ARHGAP44: variants seen among roughly 807,000 people sequenced by gnomAD.
ARHGAP44 encodes Rho GTPase activating protein 44, also known as rho GTPase-activating protein 44.
In ARHGAP44, 43 loss-of-function variants were observed where a neutral mutation model predicts 106.8. The ratio of observed to expected loss-of-function variants is 0.40; its 90% CI spans 0.32 to 0.52. The LOEUF is 0.52. Ranked by LOEUF, ARHGAP44 falls within the 20% of genes least tolerant of loss-of-function variation. The pLI is 0.48. For missense variants in ARHGAP44, 866 were observed against 1,050.5 expected, an observed-to-expected ratio of 0.82 and a Z score of 2.43; for synonymous variants, 439 against 410.3, an observed-to-expected ratio of 1.07 and a Z score of -0.85.
At chr17:12,961,137 C>G (rs2039251131) in intron 16 of ARHGAP44, among the ~76,000 whole-genome samples, 1 of 152,124 alleles carries the variant, frequency 6.6e-6, no homozygotes, top group Non-Finnish European at 1.5e-5. Flanking sequence ...TGGTTTGATT[C>G]CAGTGCCTCC....
intron 7 of ARHGAP44, among the ~76,000 whole-genome samples, chr17:12,936,494 C>A (rs1442562870): frequency 1.3e-5 from 2 of 152,180 alleles, no homozygotes; most frequent in African/African-American, 4.8e-5. Flanking sequence ...ATATGCATTT[C>A]AGTTTCCTTC....
chr17:12,899,498 A>C (rs1271902230), intron 3 of ARHGAP44, among the ~76,000 whole-genome samples: 1 of 152,188 alleles, frequency 6.6e-6, no homozygotes, highest in Non-Finnish European at 1.5e-5. Context: ...ATCACCTCAA[A>C]TACTGAAATG....
chr17:12,893,097 A>G (rs988139443), intron 1 of ARHGAP44, among the ~76,000 whole-genome samples: 2 of 151,870 alleles, frequency 1.3e-5, no homozygotes, highest in African/African-American at 4.8e-5. Context: ...GCTTTCTCTG[A>G]TGCTGCTCTA....
chr17:12,809,723 G>T (rs1273135531), intron 1 of ARHGAP44, among the ~76,000 whole-genome samples: 1 of 152,110 alleles, frequency 6.6e-6, no homozygotes, highest in Non-Finnish European at 1.5e-5. Context: ...ACTCAACCAG[G>T]AGACTAATTA....
intron 1 of ARHGAP44, among the ~76,000 whole-genome samples, chr17:12,882,805 A>T (rs1018927245): frequency 6.6e-6 from 1 of 151,980 alleles, no homozygotes; most frequent in African/African-American, 2.4e-5. Context: ...TAATGTGCTA[A>T]TTTTTTTAGG....
chr17:12,854,254 T>G (rs891338065), intron 1 of ARHGAP44, among the ~76,000 whole-genome samples: 3 of 152,214 alleles, frequency 2.0e-5, no homozygotes, highest in African/African-American at 7.2e-5. Context: ...CACTGCTAGC[T>G]ACTTATGAAC....
chr17:12,808,835 G>A (rs1023565793), intron 1 of ARHGAP44, among the ~76,000 whole-genome samples: 2 of 152,102 alleles, frequency 1.3e-5, no homozygotes, highest in African/African-American at 4.8e-5. Flanking sequence ...CTTTTCTCTT[G>A]CATCATGAGG....
chr17:12,802,950 TATATATATATA>T lies in ARHGAP44; in HGVS notation c.53+13060_53+13070del, dbSNP rs2034150577. Among the ~76,000 whole-genome samples the T allele has an allele frequency of 4.5e-3, 139 of 30,914 alleles. 22 individuals are homozygous for T. The highest frequency in any genetic ancestry group is 0.021 in the African/African-American group (129 of 6,244). The allele number at this position is 30,914 out of a possible 152,430, so 20.3% of individuals were successfully genotyped here. On this transcript the variant is annotated intron_variant, in intron 1 of 20. Transcript: ENST00000379672. ...ATTTATATATATATATATATATATA[TATATATATATA>T]TATATATATTTTTTTTTTTTTTTTT...
intron 1 of ARHGAP44, among the ~76,000 whole-genome samples, chr17:12,893,613 G>A (rs750090668): frequency 3.3e-5 from 5 of 152,174 alleles, no homozygotes; most frequent in Non-Finnish European, 7.3e-5. Context: ...ACTGATGAGG[G>A]GTACGGGCTT....
intron 2 of ARHGAP44, among the ~76,000 whole-genome samples, chr17:12,895,279 A>C (rs1018699641): frequency 1.3e-5 from 2 of 152,206 alleles, no homozygotes; most frequent in Non-Finnish European, 2.9e-5. Context: ...AGTACTTTGC[A>C]TGATGAATAC....
chr17:12,835,225 CAGTT>C (rs1189662577), intron 1 of ARHGAP44, among the ~76,000 whole-genome samples: 6 of 152,074 alleles, frequency 3.9e-5, no homozygotes, highest in Admixed American at 2.6e-4. Context: ...CAAATGGTGT[CAGTT>C]AGTGTGAATT....
chr17:12,820,700 G>A (rs1190964675), intron 1 of ARHGAP44, among the ~76,000 whole-genome samples: 2 of 152,132 alleles, frequency 1.3e-5, no homozygotes, highest in Non-Finnish European at 2.9e-5. Context: ...TGTGATTGAA[G>A]GTTTCTCAAG....
chr17:12,829,067 G>A lies in ARHGAP44; in HGVS notation c.53+39176G>A, dbSNP rs893397248. 5.3e-5 allele frequency among the ~76,000 whole-genome samples: 8 copies of A among 152,136 alleles called. No individual in the cohort carries two copies. The East Asian group carries it at 9.7e-4, about 18-fold the overall frequency. The stretch of plus-strand genomic sequence containing the variant: ...AGTTTAGTTGCATTAAACAAGTCAC[G>A]CAACTTTCATTTCTATCTTCTGGAA... On this transcript the variant is annotated intron_variant, in intron 1 of 20. Transcript: ENST00000379672.
At chr17:12,990,009 C>G (rs1567729532) in intron 20 of ARHGAP44, 23 bp from the exon 21 acceptor site, 2 of 1,593,270 alleles carry the variant, frequency 1.3e-6, no homozygotes, top group Admixed American at 1.7e-5. Context: ...CTTTCAACCA[C>G]CTCTCTCTCT....
rs926463209 is a variant in ARHGAP44, at chr17:12,789,705, A to G, written c.-134A>G. 3.6e-5 allele frequency: 26 copies of G among 720,256 alleles called. No homozygotes were observed. The highest frequency in any genetic ancestry group is 4.5e-4 in the Middle Eastern group (1 of 2,224). 44.6% of individuals were successfully genotyped at this position (720,256 alleles called of 1,614,324 possible). A position where few individuals can be genotyped will look rare whatever the true frequency, so the allele number is the denominator to read the frequency against. ...CGGGAGGGAGCTGCGCGCGGGCCAG[A>G]CGGCGCCCGGAGGCTCCGCAGTGCC... is the stretch of plus-strand genomic sequence containing the variant. On this transcript the variant is annotated 5_prime_UTR_variant, in exon 1 of 21. Coordinates refer to ENST00000379672, the MANE Select transcript of ARHGAP44 (RefSeq NM_014859.6).
At chr17:12,889,562 C>A (rs2036980243) in intron 1 of ARHGAP44, among the ~76,000 whole-genome samples, 1 of 152,176 alleles carries the variant, frequency 6.6e-6, no homozygotes, top group African/African-American at 2.4e-5. Flanking sequence ...GATCCGGTTT[C>A]CAACACAGGA....
At chr17:12,891,446 G>A (rs1353356995) in intron 1 of ARHGAP44, among the ~76,000 whole-genome samples, 1 of 152,144 alleles carries the variant, frequency 6.6e-6, no homozygotes, top group Non-Finnish European at 1.5e-5. Flanking sequence ...TCATCACATG[G>A]GCAGGAGAGA....
chr17:12,917,815 A>G (rs1423779386), intron 5 of ARHGAP44, among the ~76,000 whole-genome samples: 1 of 151,984 alleles, frequency 6.6e-6, no homozygotes, highest in Non-Finnish European at 1.5e-5. Context: ...AGTTTCTTTA[A>G]TTTTCGTTAA....
At chr17:12,938,569 G>A (rs2038614343) in intron 7 of ARHGAP44, among the ~76,000 whole-genome samples, 1 of 131,156 alleles carries the variant, frequency 7.6e-6, no homozygotes, top group Non-Finnish European at 1.6e-5. Flanking sequence ...GGGACATTTG[G>A]TTAGCTATAT....
Sources: allele counts gnomAD v4.1 joint callset (sites outside exome capture counted in the v4.1 genomes callset), GRCh38; gene constraint gnomAD v4.1.1; transcripts MANE v1.5; gene names NCBI Gene and HGNC (gene_info 2026-07-23, HGNC 2026-07-21).